Variants in PRKCE observed in about 807,000 individuals in gnomAD.
PRKCE encodes protein kinase C epsilon type.
A neutral mutation model predicts 85.4 loss-of-function variants in PRKCE; 16 were observed. The observed-to-expected ratio is 0.19, with a 90% CI of 0.13 to 0.28. The LOEUF is 0.28. PRKCE is among the 10% of genes least tolerant of loss of function. PRKCE has a pLI of 1.00. For missense variants in PRKCE, 573 were observed against 975.2 expected (o/e 0.59, Z 5.49); for synonymous variants, 388 against 371.5 (o/e 1.04, Z -0.51).
intron 2 of PRKCE, among the ~76,000 whole-genome samples, chr2:45,878,740 A>T (rs1694662082): frequency 6.6e-6 from 1 of 152,236 alleles, no homozygotes; most frequent in East Asian, 1.9e-4. Context: ...CAGAATAAAA[A>T]GCTTTAATAC....
At chr2:45,659,803 C>A (rs903873049) in intron 1 of PRKCE, among the ~76,000 whole-genome samples, 2 of 151,302 alleles carry the variant, frequency 1.3e-5, no homozygotes, top group Admixed American at 1.3e-4. Flanking sequence ...AAAGTTCACC[C>A]TCTTATTTTA....
intron 1 of PRKCE, among the ~76,000 whole-genome samples, chr2:45,737,185 G>A (rs1210987261): frequency 2.0e-5 from 3 of 152,218 alleles, no homozygotes; most frequent in Admixed American, 6.5e-5. Flanking sequence ...TTTCTCCCAC[G>A]CAGCTGTCTT....
chr2:46,126,742 TCCTCCCTTCC>T (rs921111180), intron 11 of PRKCE, among the ~76,000 whole-genome samples: 3 of 152,082 alleles, frequency 2.0e-5, no homozygotes, highest in African/African-American at 7.2e-5. Context: ...GTGAATTTCC[TCCTCCCTTCC>T]CTTGAGCAGT....
chr2:46,098,156 T>C (rs972825504), intron 11 of PRKCE, among the ~76,000 whole-genome samples: 1 of 152,210 alleles, frequency 6.6e-6, no homozygotes, highest in Non-Finnish European at 1.5e-5. Flanking sequence ...GTGTCTTTCA[T>C]GGTAGCTCAT....
intron 2 of PRKCE, among the ~76,000 whole-genome samples, chr2:45,967,644 T>G (rs762566280): frequency 2.6e-5 from 4 of 152,162 alleles, no homozygotes; most frequent in Non-Finnish European, 5.9e-5. Flanking sequence ...ATCAGATTAA[T>G]GAAGGAAATA....
At chr2:45,669,351 C>A (rs1042951465) in intron 1 of PRKCE, among the ~76,000 whole-genome samples, 2 of 152,194 alleles carry the variant, frequency 1.3e-5, no homozygotes, top group Non-Finnish European at 2.9e-5. Context: ...GCCTCCTTTT[C>A]GCCTGGAGAA....
chr2:45,691,178 T>TGGG (rs1677698799), intron 1 of PRKCE, among the ~76,000 whole-genome samples: 1 of 152,236 alleles, frequency 6.6e-6, no homozygotes, highest in African/African-American at 2.4e-5. Context: ...GTCAGTGGGC[T>TGGG]GGGCGGTTCT....
At chr2:45,820,255 C>G (rs1343062626) in intron 1 of PRKCE, among the ~76,000 whole-genome samples, 1 of 152,074 alleles carries the variant, frequency 6.6e-6, no homozygotes, top group Non-Finnish European at 1.5e-5. Context: ...TAGAACACTG[C>G]CAGGCACTTG....
At chr2:46,158,534 G>A (rs773892727) in intron 13 of PRKCE, among the ~76,000 whole-genome samples, 10 of 152,146 alleles carry the variant, frequency 6.6e-5, no homozygotes, top group Non-Finnish European at 1.0e-4. Context: ...CCCTCCAATC[G>A]CATTGAACTC....
At chr2:45,943,978 T>C (rs2711299) in intron 2 of PRKCE, among the ~76,000 whole-genome samples, 99,601 of 152,170 alleles carry the variant, frequency 0.65, 33,241 homozygotes, top group East Asian at 0.93. Flanking sequence ...AACTGAGGCA[T>C]TGAGCTGTGA....
At position 45,976,571 on chromosome 2, in the gene PRKCE, T is replaced by C. The variant is rs979601338; in HGVS notation, c.555T>C (p.His185=). The change falls in exon 3 of 15, where the codon CAT becomes CAC. Residue 185 remains histidine, a synonymous_variant. Transcript: ENST00000306156. ...TTCGGCAGCCCACCTACTGCTCCCA[T>C]TGCAGAGACTTCATCTGGTAAGCCT... is the stretch of plus-strand genomic sequence containing the variant. The part of the protein sequence containing the change: ...TYLRQPTYCS[H]CRDFIWGVIG... 7.5e-6 allele frequency: 12 copies of C among 1,599,720 alleles called. No homozygotes were observed. Among genetic ancestry groups the C allele is most frequent in the Non-Finnish European group, 1.0e-5 (12 of 1,179,938 alleles).
intron 3 of PRKCE, 54 bp downstream of exon 3, chr2:45,976,642 G>T (rs917918400): frequency 6.3e-7 from 1 of 1,577,972 alleles, no homozygotes; most frequent in Non-Finnish European, 8.6e-7. Context: ...ACAAGATGTC[G>T]GGGATGGGGT....
chr2:46,062,660 A>C (rs1489152228), intron 10 of PRKCE, among the ~76,000 whole-genome samples: 1 of 143,438 alleles, frequency 7.0e-6, no homozygotes, highest in Non-Finnish European at 1.5e-5. Context: ...AGGGTATAAA[A>C]GCTCAGCCTT....
chr2:45,761,326 CAA>C (rs370710295), intron 1 of PRKCE, among the ~76,000 whole-genome samples: 75 of 82,252 alleles, frequency 9.1e-4, no homozygotes, highest in African/African-American at 3.3e-3. Context: ...GACTCCATCT[CAA>C]AAAAAAAAAA....
chr2:45,919,304 G>T (rs1055516963), intron 2 of PRKCE, among the ~76,000 whole-genome samples: 1 of 152,220 alleles, frequency 6.6e-6, no homozygotes, highest in Non-Finnish European at 1.5e-5. Flanking sequence ...GGAAGGCTGG[G>T]CTGGGCCGTG....
intron 2 of PRKCE, among the ~76,000 whole-genome samples, chr2:45,876,448 G>A (rs1371906679): frequency 6.6e-6 from 1 of 152,192 alleles, no homozygotes; most frequent in Non-Finnish European, 1.5e-5. Context: ...TTGTATTTGT[G>A]TTTAAATTTA....
intron 13 of PRKCE, among the ~76,000 whole-genome samples, chr2:46,151,770 A>G (rs1341698092): frequency 6.6e-6 from 1 of 152,260 alleles, no homozygotes; most frequent in Non-Finnish European, 1.5e-5. Flanking sequence ...TGCTGGATTT[A>G]GATACATAAT....
chr2:45,740,822 A>C (rs1682496683), intron 1 of PRKCE, among the ~76,000 whole-genome samples: 1 of 152,208 alleles, frequency 6.6e-6, no homozygotes, highest in African/African-American at 2.4e-5. Context: ...CAGTTGTTTG[A>C]AAGTGCAGTA....
At chr2:46,010,610 A>G in intron 10 of PRKCE, 93 bp downstream of exon 10, 6 of 1,599,206 alleles carry the variant, frequency 3.8e-6, no homozygotes, top group Non-Finnish European at 5.1e-6. Context: ...TGTTCTCTCA[A>G]AGACTTTGTA....
Sources: allele counts gnomAD v4.1 joint callset (sites outside exome capture counted in the v4.1 genomes callset), GRCh38; gene constraint gnomAD v4.1.1; transcripts MANE v1.5; gene names NCBI Gene and HGNC (gene_info 2026-07-23, HGNC 2026-07-21).